The following TP63 variants were observed in gnomAD, a reference collection of about 807,000 sequenced individuals.
TP63 encodes tumor protein 63.
A neutral mutation model predicts 82.8 loss-of-function variants in TP63; 17 were observed. The ratio of observed to expected loss-of-function variants is 0.21; its 90% CI spans 0.14 to 0.31. TP63 has a LOEUF of 0.31. Ranked by LOEUF, TP63 falls within the 10% of genes least tolerant of loss-of-function variation. The pLI is 1.00. For synonymous variants in TP63, 330 were observed against 321.7 expected (o/e 1.03, Z -0.28); for missense variants, 648 against 895.3 (o/e 0.72, Z 3.52).
At position 189,895,980 on chromosome 3, in the gene TP63, A is replaced by G. The variant is rs1476146091; in HGVS notation, c.*1478A>G. The G allele has an allele frequency of 4.4e-6, 1 of 229,284 alleles. No homozygotes were observed. The highest frequency in any genetic ancestry group is 8.6e-6 in the Non-Finnish European group (1 of 115,624). The allele number at this position is 229,284 out of a possible 1,614,324, so 14.2% of individuals were successfully genotyped here. A position where few individuals can be genotyped will look rare whatever the true frequency, so the allele number is the denominator to read the frequency against. On this transcript the variant is annotated 3_prime_UTR_variant, in exon 14 of 14. Coordinates refer to ENST00000264731, the MANE Select transcript of TP63 (RefSeq NM_003722.5). Reference sequence around the variant, plus strand: ...AGACATGAAAGGTCCCCACAGAGCAAGAGATAAGTCTTTCATGGCTGCTGT... The same window carrying G: ...AGACATGAAAGGTCCCCACAGAGCAGGAGATAAGTCTTTCATGGCTGCTGT...
chr3:189,597,468 T>G, the TP63 span, among the ~76,000 whole-genome samples: 1 of 152,222 alleles, frequency 6.6e-6, no homozygotes, highest in African/African-American at 2.4e-5. Context: ...GATAATATTA[T>G]GTAGAATCTC....
At chr3:189,769,795 A>T (rs983830901) in intron 3 of TP63, among the ~76,000 whole-genome samples, 1 of 152,226 alleles carries the variant, frequency 6.6e-6, no homozygotes, top group Admixed American at 6.5e-5. Flanking sequence ...TTCAGAGCAT[A>T]AAAGTGTCCC....
chr3:189,796,399 A>G (rs1485392854), intron 3 of TP63, among the ~76,000 whole-genome samples: 2 of 151,896 alleles, frequency 1.3e-5, no homozygotes, highest in East Asian at 3.9e-4. Flanking sequence ...GCAATTGAAG[A>G]GATAATAACA....
chr3:189,714,163 A>ATGTG (rs1718794370), intron 1 of TP63, among the ~76,000 whole-genome samples: 1 of 151,976 alleles, frequency 6.6e-6, no homozygotes, highest in Non-Finnish European at 1.5e-5. Context: ...ATGTGTATGT[A>ATGTG]TGTGTGTGTG....
chr3:189,834,280 G>A (rs1712798210), intron 4 of TP63, among the ~76,000 whole-genome samples: 1 of 152,170 alleles, frequency 6.6e-6, no homozygotes, highest in Non-Finnish European at 1.5e-5. Context: ...AAGTAAACAG[G>A]AAAATTACTC....
At chr3:189,884,569 G>A (rs1435536692) in intron 10 of TP63, among the ~76,000 whole-genome samples, 1 of 152,180 alleles carries the variant, frequency 6.6e-6, no homozygotes, top group East Asian at 1.9e-4. Context: ...GCTCCACAAG[G>A]ATGGTGTGAC....
chr3:189,675,732 G>A (rs887791370), intron 1 of TP63, among the ~76,000 whole-genome samples: 6 of 152,180 alleles, frequency 3.9e-5, no homozygotes, highest in African/African-American at 1.2e-4. Context: ...ACTGTGCTGG[G>A]TGAGCTGCAT....
At chr3:189,787,493 T>C (rs1724704556) in intron 3 of TP63, among the ~76,000 whole-genome samples, 1 of 143,290 alleles carries the variant, frequency 7.0e-6, no homozygotes, top group South Asian at 2.1e-4. Context: ...AGTGGATATA[T>C]TGTCTTAGAT....
the TP63 span, among the ~76,000 whole-genome samples, chr3:189,619,138 T>C: frequency 0.067 from 10,236 of 152,270 alleles, 441 homozygotes; most frequent in Middle Eastern, 0.2. Flanking sequence ...TTTGGTATAT[T>C]ATTCATGCTT....
chr3:189,846,547 A>T (rs1160755681), intron 4 of TP63, among the ~76,000 whole-genome samples: 1 of 152,160 alleles, frequency 6.6e-6, no homozygotes, highest in East Asian at 1.9e-4. Flanking sequence ...GTATGTATAC[A>T]GAAGAACATA....
intron 3 of TP63, among the ~76,000 whole-genome samples, chr3:189,774,407 A>G (rs1285624939): frequency 2.0e-5 from 3 of 152,220 alleles, no homozygotes; most frequent in Non-Finnish European, 4.4e-5. Flanking sequence ...CGATTTTGCA[A>G]CCATCTTTCC....
intron 3 of TP63, among the ~76,000 whole-genome samples, chr3:189,779,827 A>G (rs4686529): frequency 0.46 from 70,622 of 151,948 alleles, 16,769 homozygotes; most frequent in Admixed American, 0.57. Flanking sequence ...GGATCAAACC[A>G]GAACAGACAT....
chr3:189,656,289 G>A (rs565971133), intron 1 of TP63, among the ~76,000 whole-genome samples: 2 of 152,046 alleles, frequency 1.3e-5, no homozygotes, highest in Non-Finnish European at 2.9e-5. Context: ...GTGTTATTTG[G>A]AGACAGACTT....
chr3:189,678,990 C>A (rs1396499614), intron 1 of TP63, among the ~76,000 whole-genome samples: 11 of 151,950 alleles, frequency 7.2e-5, no homozygotes, highest in Admixed American at 3.3e-4. Flanking sequence ...CCCAAATTTA[C>A]TGAAGTTACT....
At chr3:189,799,522 C>T (rs1197392328) in intron 3 of TP63, among the ~76,000 whole-genome samples, 1 of 152,050 alleles carries the variant, frequency 6.6e-6, no homozygotes, top group African/African-American at 2.4e-5. Flanking sequence ...AAAAACACTG[C>T]CTTGGCACAA....
intron 1 of TP63, among the ~76,000 whole-genome samples, chr3:189,706,014 A>G (rs1718169796): frequency 1.3e-5 from 2 of 152,192 alleles, no homozygotes; most frequent in Non-Finnish European, 2.9e-5. Context: ...CCATGCATAT[A>G]CTATGTCTAA....
chr3:189,773,986 G>A (rs544302885), intron 3 of TP63, among the ~76,000 whole-genome samples: 10 of 133,100 alleles, frequency 7.5e-5, no homozygotes, highest in African/African-American at 2.9e-4. Flanking sequence ...GCAGTGGCAC[G>A]ATCTTGGCTC....
intron 1 of TP63, among the ~76,000 whole-genome samples, chr3:189,736,044 T>A (rs1720566993): frequency 6.6e-6 from 1 of 151,294 alleles, no homozygotes; most frequent in Non-Finnish European, 1.5e-5. Context: ...AATCTACAAT[T>A]TCCTCAATTT....
At chr3:189,847,167 GGT>G (rs1377029427) in intron 4 of TP63, among the ~76,000 whole-genome samples, 2 of 151,886 alleles carry the variant, frequency 1.3e-5, no homozygotes, top group African/African-American at 4.8e-5. Flanking sequence ...AGACCAGCCT[GGT>G]CAACATGGTG....
Sources: allele counts gnomAD v4.1 joint callset (sites outside exome capture counted in the v4.1 genomes callset), GRCh38; gene constraint gnomAD v4.1.1; transcripts MANE v1.5; gene names NCBI Gene and HGNC (gene_info 2026-07-23, HGNC 2026-07-21).